WDFY3: variants seen among roughly 807,000 people sequenced by gnomAD.
WDFY3 encodes WD repeat and FYVE domain-containing protein 3.
A neutral mutation model predicts 409.6 loss-of-function variants in WDFY3; 66 were observed. The observed-to-expected ratio is 0.16, with a 90% confidence interval of 0.13 to 0.20. The LOEUF (loss-of-function observed/expected upper bound fraction) is 0.20. Ranked by LOEUF, WDFY3 falls within the 10% of genes least tolerant of loss-of-function variation. WDFY3 has a pLI of 1.00. For missense variants in WDFY3, 3,031 were observed against 4,298.1 expected, an observed-to-expected ratio of 0.71 and a Z score of 8.24; for synonymous variants, 1,521 against 1,537.1, an observed-to-expected ratio of 0.99 and a Z score of 0.25.
chr4:84,867,829 T>C (rs954153307), intron 3 of WDFY3, among the ~76,000 whole-genome samples: 3 of 152,272 alleles, frequency 2.0e-5, no homozygotes, highest in East Asian at 1.9e-4. Context: ...ATAAATGTAA[T>C]GTAAGCTCAT....
At chr4:84,736,424 T>TTTA in intron 41 of WDFY3, 97 bp from the exon 42 acceptor site, 2 of 1,142,784 alleles carry the variant, frequency 1.8e-6, no homozygotes, top group Non-Finnish European at 2.3e-6. Flanking sequence ...AACCCTGTAG[T>TTTA]TAACAAAAGT....
At chr4:84,871,479 G>T (rs1762124491) in intron 3 of WDFY3, among the ~76,000 whole-genome samples, 1 of 152,124 alleles carries the variant, frequency 6.6e-6, no homozygotes, top group South Asian at 2.1e-4. Context: ...AAAACTGAGA[G>T]AACTTGTTGT....
intron 65 of WDFY3, among the ~76,000 whole-genome samples, chr4:84,678,637 T>C (rs991802635): frequency 4.6e-5 from 7 of 152,254 alleles, no homozygotes; most frequent in Admixed American, 2.0e-4. Context: ...GCTTCTGTGA[T>C]TTAATGAGTT....
intron 8 of WDFY3, 49 bp downstream of exon 8, chr4:84,831,364 G>A (rs1249126271): frequency 1.4e-5 from 18 of 1,294,226 alleles, no homozygotes; most frequent in Non-Finnish European, 1.8e-5. Context: ...ATTAAATGAA[G>A]AAAAGTGGAA....
intron 33 of WDFY3, among the ~76,000 whole-genome samples, 196 bp downstream of exon 33, chr4:84,756,729 GA>G (rs1741531342): frequency 6.6e-6 from 1 of 151,688 alleles, no homozygotes; most frequent in African/African-American, 2.4e-5. Context: ...TATCATATAG[GA>G]AAAAATTGTA....
Position 84,737,165 on chromosome 4 carries a change from T to C in WDFY3, c.6757+19A>G, listed in dbSNP as rs1400394709. 6.2e-7 allele frequency: 1 copy of C among 1,613,596 alleles called. No homozygotes were observed. The highest frequency in any genetic ancestry group is 8.5e-7 in the Non-Finnish European group (1 of 1,179,824). On this transcript the variant is annotated intron_variant, in intron 41 of 67. Transcript: ENST00000295888. ...GCCACATGTAAATCTCCTGGTGGTA[T>C]GATCTCTGTAGGCCTTACCCAAATG...
chr4:84,700,945 A>G (rs1730982238), intron 56 of WDFY3, among the ~76,000 whole-genome samples: 2 of 152,182 alleles, frequency 1.3e-5, no homozygotes, highest in African/African-American at 2.4e-5. Flanking sequence ...CCCCGTCTCT[A>G]CTAAAAATTT....
At chr4:84,841,388 A>T in intron 5 of WDFY3, 125 bp from the exon 6 acceptor site, 1 of 739,406 alleles carries the variant, frequency 1.4e-6, no homozygotes, top group Non-Finnish European at 2.2e-6. Flanking sequence ...TATTACATAT[A>T]GAAAAACTTT....
At chr4:84,727,519 A>G (rs1378954837) in intron 44 of WDFY3, among the ~76,000 whole-genome samples, 1 of 152,208 alleles carries the variant, frequency 6.6e-6, no homozygotes, top group East Asian at 1.9e-4. Context: ...CCAGATCAGA[A>G]GCTTTTCTAG....
chr4:84,927,570 C>T (rs563921717), intron 2 of WDFY3, among the ~76,000 whole-genome samples: 1 of 152,310 alleles, frequency 6.6e-6, no homozygotes, highest in East Asian at 1.9e-4. Flanking sequence ...TTGTAATCCC[C>T]ATAATCCCCA....
At chr4:84,765,005 C>T (rs1419932144) in intron 32 of WDFY3, among the ~76,000 whole-genome samples, 2 of 151,996 alleles carry the variant, frequency 1.3e-5, no homozygotes, top group Non-Finnish European at 2.9e-5. Flanking sequence ...CTATTTTTCC[C>T]ATCGGACCAA....
chr4:84,730,000 A>C (rs994426476), intron 44 of WDFY3, among the ~76,000 whole-genome samples: 18 of 152,154 alleles, frequency 1.2e-4, no homozygotes, highest in African/African-American at 4.3e-4. Context: ...GGAAGTTTAA[A>C]GGAAAGAACT....
rs753131487 is a variant in WDFY3 at position 84,751,572 on chromosome 4, C to G, written c.5884G>C (p.Val1962Leu). 1 of 1,614,124 alleles carries G rather than the reference C, an allele frequency of 6.2e-7. No homozygotes were observed. The highest frequency in any genetic ancestry group is 8.5e-7 in the Non-Finnish European group (1 of 1,180,022). ...YLTNHPAKKFVFDFMRVLIID... is the reference protein window; with the variant it reads ...YLTNHPAKKFLFDFMRVLIID... ...ATTAAGACCCGCATGAAGTCAAAAA[C>G]GAACTTTTTAGCCGGGTGATTGGTC... is the stretch of plus-strand genomic sequence containing the variant. Residue 1962 changes from valine (V) to leucine (L), a missense_variant, in exon 36 of 68, where the codon GTT becomes CTT. Val to Leu is a conservative substitution (Grantham distance 32). Around this residue, in one of 16 missense-constraint regions of WDFY3, gnomAD observed 314 missense variants for 397.4 expected, o/e 0.79. Coordinates refer to ENST00000295888, the MANE Select transcript of WDFY3 (RefSeq NM_014991.6).
intron 22 of WDFY3, 47 bp downstream of exon 22, chr4:84,789,676 AAAC>A: frequency 6.6e-7 from 1 of 1,512,174 alleles, no homozygotes; most frequent in South Asian, 1.2e-5. Context: ...CACACCCCCC[AAAC>A]TACTACCTTA....
intron 2 of WDFY3, among the ~76,000 whole-genome samples, chr4:84,899,212 A>G (rs1561033191): frequency 6.6e-6 from 1 of 152,218 alleles, no homozygotes; most frequent in Admixed American, 6.5e-5. Context: ...AAATTACTTA[A>G]AAAATGAGTA....
chr4:84,814,620 T>C (rs1753004678), intron 13 of WDFY3, among the ~76,000 whole-genome samples: 1 of 152,014 alleles, frequency 6.6e-6, no homozygotes, highest in South Asian at 2.1e-4. Flanking sequence ...CTGAGCAGAG[T>C]CTCGGTTATC....
At chr4:84,896,717 AAC>A (rs1011691097) in intron 3 of WDFY3, among the ~76,000 whole-genome samples, 192 bp downstream of exon 3, 1 of 152,222 alleles carries the variant, frequency 6.6e-6, no homozygotes, top group African/African-American at 2.4e-5. Flanking sequence ...GCCTATTAGA[AAC>A]AGTTCTCAAG....
chr4:84,832,710 T>C (rs990575191), intron 7 of WDFY3, among the ~76,000 whole-genome samples: 24 of 152,314 alleles, frequency 1.6e-4, no homozygotes, highest in African/African-American at 5.5e-4. Context: ...GACAGTAAAC[T>C]AGTCCTACTT....
chr4:84,846,429 A>G (rs935081089), intron 5 of WDFY3, among the ~76,000 whole-genome samples: 1 of 151,980 alleles, frequency 6.6e-6, no homozygotes, highest in Admixed American at 6.6e-5. Flanking sequence ...TACTTGATTT[A>G]AGACATCTTT....
Sources: allele counts gnomAD v4.1 joint callset (sites outside exome capture counted in the v4.1 genomes callset), GRCh38; gene constraint gnomAD v4.1.1; regional missense constraint gnomAD v4.1.1; transcripts MANE v1.5; gene names NCBI Gene and HGNC (gene_info 2026-07-23, HGNC 2026-07-21).